The following GNB5 variants were observed in gnomAD, a reference collection of about 807,000 sequenced individuals.
GNB5 encodes guanine nucleotide-binding protein subunit beta-5.
A neutral mutation model predicts 55.3 loss-of-function variants in GNB5; 37 were observed. The observed-to-expected ratio is 0.67, with a 90% CI of 0.51 to 0.88. The LOEUF is 0.88. GNB5 is among the 40% of genes least tolerant of loss of function. The pLI is 0.00. For missense variants in GNB5, 476 were observed against 515.3 expected, an observed-to-expected ratio of 0.92 and a Z score of 0.74; for synonymous variants, 219 against 198.5, an observed-to-expected ratio of 1.10 and a Z score of -0.87.
At chr15:52,186,673 A>G (rs2141244888) in intron 1 of GNB5, among the ~76,000 whole-genome samples, 1 of 152,326 alleles carries the variant, frequency 6.6e-6, no homozygotes, top group East Asian at 1.9e-4. Context: ...TGAACCCCTG[A>G]ACATAAAGAT....
intron 3 of GNB5, among the ~76,000 whole-genome samples, chr15:52,164,706 T>C (rs1354958397): frequency 2.0e-5 from 3 of 152,064 alleles, no homozygotes; most frequent in Non-Finnish European, 2.9e-5. Flanking sequence ...ACCCCATTCA[T>C]AGGTCAGCAA....
intron 5 of GNB5, 61 bp from the exon 6 acceptor site, chr15:52,147,596 T>TTC: frequency 2.5e-6 from 2 of 808,552 alleles, no homozygotes; most frequent in East Asian, 3.1e-5. Flanking sequence ...TTTTTTTTTC[T>TTC]TTTTTTTTGA....
At chr15:52,154,482 G>A (rs769734575) in intron 3 of GNB5, among the ~76,000 whole-genome samples, 1 of 152,206 alleles carries the variant, frequency 6.6e-6, no homozygotes, top group Non-Finnish European at 1.5e-5. Flanking sequence ...TGGGGAAACT[G>A]AGACTCAGAG....
Position 52,117,102 on chromosome 15 carries a change from A to ATATATATATATATATATATATTT in GNB5, c.*5654_*5655insAAATATATATATATATATATATA. On this transcript the variant is annotated 3_prime_UTR_variant, in exon 13 of 13. Coordinates refer to ENST00000261837, the MANE Select transcript of GNB5 (RefSeq NM_016194.4). ...CCACGCCCAGCTAATATATATATAT[A>ATATATATATATATATATATATTT]TTTTTTTTTAGTACAGACAGGGTTT... is the stretch of plus-strand genomic sequence containing the variant. 2.4e-4 allele frequency: 21 copies of ATATATATATATATATATATATTT among 87,100 alleles called. 1 individual carries two copies. The highest frequency in any genetic ancestry group is 7.3e-4 in the African/African-American group (12 of 16,446). 5.4% of individuals were successfully genotyped at this position (87,100 alleles called of 1,614,324 possible).
At chr15:52,136,064 AACAC>A (rs147163026) in intron 7 of GNB5, among the ~76,000 whole-genome samples, 1,386 of 97,994 alleles carry the variant, frequency 0.014, 18 homozygotes, top group African/African-American at 0.023. Context: ...GGAAAAGCAG[AACAC>A]ACACACACAC....
chr15:52,190,763 T>A (rs1358915898), intron 1 of GNB5, among the ~76,000 whole-genome samples: 20 of 96,300 alleles, frequency 2.1e-4, no homozygotes, highest in South Asian at 9.1e-4. Flanking sequence ...CCACAGAAAA[T>A]AATGCTTATT....
At chr15:52,169,889 A>C (rs2034526774) in intron 3 of GNB5, among the ~76,000 whole-genome samples, 1 of 152,204 alleles carries the variant, frequency 6.6e-6, no homozygotes, top group African/African-American at 2.4e-5. Flanking sequence ...AACCCCATTA[A>C]AAAGTGGGCA....
intron 9 of GNB5, among the ~76,000 whole-genome samples, chr15:52,132,845 T>A (rs890375675): frequency 6.6e-6 from 1 of 152,056 alleles, no homozygotes. Context: ...TAACCTCTCA[T>A]CTCTGTGCTC....
In GNB5 at chr15:52,124,809, T is replaced by C. The variant is rs928359786; in HGVS notation, c.1010-170A>G. ...GGAGAAAGCACAGTCCCTGTCCCTG[T>C]TGGAGGATGTGGGGCTGAAAGGAAC... On this transcript the variant is annotated intron_variant, in intron 11 of 12. Coordinates refer to ENST00000261837, the MANE Select transcript of GNB5 (RefSeq NM_016194.4). 6 of 597,116 alleles carry C rather than the reference T, an allele frequency of 1.0e-5. No individual in the cohort carries two copies. The African/African-American group carries it at 1.1e-4, about 11-fold the overall frequency. The allele number at this position is 597,116 out of a possible 1,614,324, so 37.0% of individuals were successfully genotyped here. A position where few individuals can be genotyped will look rare whatever the true frequency, so the allele number is the denominator to read the frequency against.
In GNB5 at chr15:52,116,763, C is replaced by T. The variant is rs1403424484; in HGVS notation, c.*5994G>A. 1 of 152,166 alleles carries T rather than the reference C, an allele frequency of 6.6e-6. No individual in the cohort carries two copies. The highest frequency in any genetic ancestry group is 1.5e-5 in the Non-Finnish European group (1 of 68,046). The allele number at this position is 152,166 out of a possible 1,614,324, so 9.4% of individuals were successfully genotyped here. On this transcript the variant is annotated 3_prime_UTR_variant, in exon 13 of 13. Coordinates refer to ENST00000261837, the MANE Select transcript of GNB5 (RefSeq NM_016194.4). The stretch of plus-strand genomic sequence containing the variant: ...TTGCACATAGGCTGCTGCAACCTCA[C>T]ACAAAAATTACTTCTGCAAAGACAT...
rs1339227787 is a variant in GNB5 at position 52,121,794 on chromosome 15, C to T, written c.*963G>A. ...AATTTTTTGTATTTTTTAGTAGAGA[C>T]AGGGTTTCACCGTGGTCTCGAACTC... On this transcript the variant is annotated 3_prime_UTR_variant, in exon 13 of 13. Coordinates refer to ENST00000261837, the MANE Select transcript of GNB5 (RefSeq NM_016194.4). The T allele has an allele frequency of 6.6e-6, 1 of 152,014 alleles. No homozygotes were observed. The highest frequency in any genetic ancestry group is 2.1e-4 in the South Asian group (1 of 4,808). 9.4% of individuals were successfully genotyped at this position (152,014 alleles called of 1,614,324 possible).
Position 52,133,396 on chromosome 15 carries a change from G to C in GNB5, c.845C>G (p.Ser282Cys), listed in dbSNP as rs2033627424. 5.0e-6 allele frequency: 8 copies of C among 1,607,014 alleles called. No homozygotes were observed. Among genetic ancestry groups the C allele is most frequent in the Non-Finnish European group, 6.8e-6 (8 of 1,173,460 alleles). Residue 282 changes from serine (S) to cysteine (C), a missense_variant, in exon 9 of 13, where the codon TCT becomes TGT. Transcript: ENST00000261837. ...QCVQAFETHE[S>C]DINSVRYYPS... ...CACTGACCGGACACTGTTGATGTCA[G>C]ATTCATGTGTTTCAAAGGCCTGCAC...
intron 6 of GNB5, chr15:52,143,838 A>G (rs1333082494): frequency 6.6e-6 from 1 of 152,218 alleles, no homozygotes; most frequent in Non-Finnish European, 1.5e-5. Flanking sequence ...CAGTTTTGGG[A>G]AAGGTCTGGG....
rs148678592 is a variant in GNB5, at chr15:52,118,831, C to T, written c.*3926G>A. The T allele has an allele frequency of 0.052, 7,551 of 143,920 alleles. 648 individuals are homozygous for T. The highest frequency in any genetic ancestry group is 0.42 in the East Asian group (2,018 of 4,790). 8.9% of individuals were successfully genotyped at this position (143,920 alleles called of 1,614,324 possible). A position where few individuals can be genotyped will look rare whatever the true frequency, so the allele number is the denominator to read the frequency against. On this transcript the variant is annotated 3_prime_UTR_variant, in exon 13 of 13. Transcript: ENST00000261837. ...TTGAAGTGAGCCCGAGATCGCGCCA[C>T]TGCACTCCAGCCTGGGCAACAAGAG...
chr15:52,187,411 G>T (rs2034860956), intron 1 of GNB5, among the ~76,000 whole-genome samples: 1 of 152,088 alleles, frequency 6.6e-6, no homozygotes, highest in Non-Finnish European at 1.5e-5. Flanking sequence ...TTAAGAGATT[G>T]CTATGTTCTG....
intron 10 of GNB5, among the ~76,000 whole-genome samples, chr15:52,127,757 G>C (rs1179847304): frequency 1.3e-5 from 2 of 151,630 alleles, no homozygotes; most frequent in Non-Finnish European, 2.9e-5. Context: ...AGTTATGTCT[G>C]AGAATGCTAA....
chr15:52,132,889 T>C (rs1040524365), intron 9 of GNB5, among the ~76,000 whole-genome samples: 2 of 152,144 alleles, frequency 1.3e-5, no homozygotes, highest in African/African-American at 4.8e-5. Flanking sequence ...GGCTCTTTCA[T>C]GATCCTGGCC....
In GNB5 at chr15:52,124,391, T is replaced by G. The variant is rs531379104; in HGVS notation, c.1176+82A>C. 5.9e-4 allele frequency: 680 copies of G among 1,155,732 alleles called. 3 individuals are homozygous for G. Among genetic ancestry groups the G allele is most frequent in the Middle Eastern group, 3.9e-3 (14 of 3,594 alleles). 71.6% of individuals were successfully genotyped at this position (1,155,732 alleles called of 1,614,324 possible). On this transcript the variant is annotated intron_variant, in intron 12 of 12. Coordinates refer to ENST00000261837, the MANE Select transcript of GNB5 (RefSeq NM_016194.4). ...CCAGGCCCACCTGAGCTTACTCTGA[T>G]AGCCTTCCCTCTGCTTCAGAAGGCC...
intron 3 of GNB5, among the ~76,000 whole-genome samples, chr15:52,166,917 T>C (rs1209951192): frequency 6.6e-6 from 1 of 151,582 alleles, no homozygotes; most frequent in Non-Finnish European, 1.5e-5. Flanking sequence ...AAAAAATTAA[T>C]AAAATAGATA....
Sources: gnomAD v4.1 joint callset for allele counts (sites outside exome capture counted in the v4.1 genomes callset) on GRCh38, gnomAD v4.1.1 for gene constraint, MANE v1.5 for transcripts, NCBI Gene and HGNC (gene_info 2026-07-23, HGNC 2026-07-21) for gene names.